LEMD3: variants seen among roughly 807,000 people sequenced by gnomAD.
The protein encoded by LEMD3 is inner nuclear membrane protein Man1.
A neutral mutation model predicts 95.2 loss-of-function variants in LEMD3; 33 were observed. That is an observed-to-expected ratio of 0.35 (90% confidence interval 0.26 to 0.46). The LOEUF is 0.46. Among genes scored for constraint, LEMD3 ranks in the 20% least tolerant of loss-of-function variants. LEMD3 has a pLI of 1.00. For missense variants in LEMD3, 1,210 were observed against 1,192.8 expected (o/e 1.01, Z -0.21); for synonymous variants, 525 against 474.6 (o/e 1.11, Z -1.38).
In LEMD3 at chr12:65,240,028, T is replaced by C. The variant is rs1870885182; in HGVS notation, c.2021T>C (p.Ile674Thr). Residue 674 changes from isoleucine (I) to threonine (T), a missense_variant and splice_region_variant, in exon 7 of 13, where the codon ATA (isoleucine) becomes ACA (threonine). Transcript: ENST00000308330. ...ATGTATGATATGGTGGTAAAGATTA[T>C]AGGTATGATATTTGTAAGAATCTCA... The part of the protein sequence containing the change: ...RQMYDMVVKI[I>T]DVLRSHNEAC... 1.9e-6 allele frequency: 3 copies of C among 1,590,732 alleles called. No individual in the cohort carries two copies.
chr12:65,234,251 A>G (rs922988369), intron 4 of LEMD3, among the ~76,000 whole-genome samples: 3 of 152,206 alleles, frequency 2.0e-5, no homozygotes, highest in Non-Finnish European at 4.4e-5. Context: ...AAAGAAATTT[A>G]TATGGCTGCA....
Position 65,248,067 on chromosome 12 carries a change from A to AGG in LEMD3, c.*1743_*1744dup, listed in dbSNP as rs1871168833. ...TAAAAAATAGTTGTGGCATTTTAAA[A>AGG]GGTCGCCTTTGATGCAGATGCATCT... is the stretch of plus-strand genomic sequence containing the variant. On this transcript the variant is annotated 3_prime_UTR_variant, in exon 13 of 13. Coordinates refer to ENST00000308330, the MANE Select transcript of LEMD3 (RefSeq NM_014319.5). The AGG allele has an allele frequency of 6.6e-6, 1 of 152,570 alleles. No individual in the cohort carries two copies. The highest frequency in any genetic ancestry group is 2.4e-5 in the African/African-American group (1 of 41,450). The allele number at this position is 152,570 out of a possible 1,614,324, so 9.5% of individuals were successfully genotyped here. A position where few individuals can be genotyped will look rare whatever the true frequency, so the allele number is the denominator to read the frequency against.
intron 1 of LEMD3, among the ~76,000 whole-genome samples, chr12:65,173,463 C>T (rs779902596): frequency 5.3e-5 from 8 of 152,134 alleles, no homozygotes; most frequent in Non-Finnish European, 1.0e-4. Context: ...AGAACAATGG[C>T]TAAGAAGTAG....
intron 1 of LEMD3, among the ~76,000 whole-genome samples, chr12:65,193,944 A>G (rs1046574690): frequency 2.8e-4 from 42 of 152,148 alleles, no homozygotes; most frequent in African/African-American, 1.0e-3. Context: ...TTTGACTAGT[A>G]AAAGCAGGTA....
chr12:65,188,755 A>C (rs1394556394), intron 1 of LEMD3, among the ~76,000 whole-genome samples: 1 of 152,178 alleles, frequency 6.6e-6, no homozygotes, highest in Non-Finnish European at 1.5e-5. Context: ...TATGGAATAC[A>C]AAAGTCATGA....
At chr12:65,218,875 G>A (rs58242908) in intron 4 of LEMD3, among the ~76,000 whole-genome samples, 40 of 146,902 alleles carry the variant, frequency 2.7e-4, no homozygotes, top group African/African-American at 9.7e-4. Flanking sequence ...TGCAACGTTC[G>A]CAACCGGGGT....
intron 1 of LEMD3, among the ~76,000 whole-genome samples, chr12:65,204,084 T>C (rs1869688076): frequency 6.6e-6 from 1 of 152,118 alleles, no homozygotes; most frequent in African/African-American, 2.4e-5. Context: ...TTATCCACAC[T>C]GATGTTTTAA....
chr12:65,238,780 T>C lies in LEMD3; in HGVS notation c.1887T>C (p.Val629=). ...GGTGTCGTTTTCGACGTGCTTTTGTTACTGTAACTCACAGATTATTGTTGT... is the reference window on the plus strand; with the variant it reads ...GGTGTCGTTTTCGACGTGCTTTTGTCACTGTAACTCACAGATTATTGTTGT... ...SFWCRFRRAF[V]TVTHRLLLLC... The change falls in exon 6 of 13, where the codon GTT becomes GTC. Residue 629 remains valine (V), a synonymous_variant. Coordinates refer to ENST00000308330, the MANE Select transcript of LEMD3 (RefSeq NM_014319.5). 6.2e-7 allele frequency: 1 copy of C among 1,614,114 alleles called. No homozygotes were observed. Among genetic ancestry groups the C allele is most frequent in the Non-Finnish European group, 8.5e-7 (1 of 1,179,992 alleles).
At chr12:65,240,304 A>G in intron 8 of LEMD3, 66 bp downstream of exon 8, 1 of 1,182,842 alleles carries the variant, frequency 8.5e-7, no homozygotes, top group Non-Finnish European at 1.3e-6. Context: ...AGTATTGAAA[A>G]TTATATTGAG....
chr12:65,207,359 G>T (rs928260360), intron 1 of LEMD3, among the ~76,000 whole-genome samples: 8 of 152,056 alleles, frequency 5.3e-5, no homozygotes, highest in Non-Finnish European at 8.8e-5. Flanking sequence ...CAGTCTTGTT[G>T]GGGGTGGGGG....
At chr12:65,172,757 A>G (rs1159737528) in intron 1 of LEMD3, among the ~76,000 whole-genome samples, 2 of 147,230 alleles carry the variant, frequency 1.4e-5, no homozygotes, top group Non-Finnish European at 3.0e-5. Context: ...GACAGAGTCT[A>G]GCTCTGTCGC....
chr12:65,247,898 C>T lies in LEMD3; in HGVS notation c.*1573C>T, dbSNP rs966438217. On this transcript the variant is annotated 3_prime_UTR_variant, in exon 13 of 13. Coordinates refer to ENST00000308330, the MANE Select transcript of LEMD3 (RefSeq NM_014319.5). Reference sequence around the variant, plus strand: ...CTGAAGAGAATAAATTTTAAATTCTCAGTTTATGTCTCAGATGCTAACGTG... The same window carrying T: ...CTGAAGAGAATAAATTTTAAATTCTTAGTTTATGTCTCAGATGCTAACGTG... The T allele has an allele frequency of 3.9e-5, 6 of 152,398 alleles. No individual in the cohort carries two copies. Among genetic ancestry groups the T allele is most frequent in the Non-Finnish European group, 2.9e-5 (2 of 67,978 alleles). 9.4% of individuals were successfully genotyped at this position (152,398 alleles called of 1,614,324 possible).
chr12:65,244,845 G>A (rs936837418), intron 10 of LEMD3, among the ~76,000 whole-genome samples: 2 of 151,938 alleles, frequency 1.3e-5, no homozygotes, highest in African/African-American at 2.4e-5. Context: ...CAGCTATCTG[G>A]GAGGCTGAGG....
intron 1 of LEMD3, among the ~76,000 whole-genome samples, chr12:65,192,704 A>G (rs1388770309): frequency 6.6e-6 from 1 of 152,192 alleles, no homozygotes; most frequent in Non-Finnish European, 1.5e-5. Flanking sequence ...CATGATTACT[A>G]ACAGACCTGA....
chr12:65,193,732 C>CTCTGTGTG (rs1555193002), intron 1 of LEMD3, among the ~76,000 whole-genome samples: 2 of 129,356 alleles, frequency 1.5e-5, no homozygotes, highest in African/African-American at 3.1e-5. Context: ...ACATAACTGG[C>CTCTGTGTG]TGTGTGTGTG....
Position 65,170,005 on chromosome 12 carries a change from C to A in LEMD3, c.409C>A (p.Leu137Met). The A allele has an allele frequency of 2.0e-6, 3 of 1,498,310 alleles. No homozygotes were observed. The highest frequency in any genetic ancestry group is 1.8e-6 in the Non-Finnish European group (2 of 1,134,248). The allele number at this position is 1,498,310 out of a possible 1,614,324, so 92.8% of individuals were successfully genotyped here. ...CCCCGCGGCTGGCAGCAAAGTGCTGCTGGGCTTCAGCTCGGACGAGTCGGA... is the reference window on the plus strand; with the variant it reads ...CCCCGCGGCTGGCAGCAAAGTGCTGATGGGCTTCAGCTCGGACGAGTCGGA... ...AAPAAGSKVL[L>M]GFSSDESDVE... is the part of the protein sequence containing the mutation. The change falls in exon 1 of 13, where the codon CTG becomes ATG. Residue 137 changes from leucine to methionine, a missense_variant. By Grantham distance (15) the Leu-to-Met change is conservative. Coordinates refer to ENST00000308330, the MANE Select transcript of LEMD3 (RefSeq NM_014319.5).
chr12:65,215,123 T>G (rs963218878), intron 2 of LEMD3, among the ~76,000 whole-genome samples: 4 of 152,206 alleles, frequency 2.6e-5, no homozygotes, highest in Admixed American at 2.6e-4. Flanking sequence ...TAAACAACTT[T>G]TCTAGTAGTT....
chr12:65,217,383 C>G (rs1056562771), intron 3 of LEMD3, among the ~76,000 whole-genome samples: 3 of 152,210 alleles, frequency 2.0e-5, no homozygotes, highest in African/African-American at 7.2e-5. Flanking sequence ...TCTATGGGAT[C>G]TAAATCTCTG....
intron 1 of LEMD3, among the ~76,000 whole-genome samples, chr12:65,206,022 A>G (rs988760651): frequency 2.6e-5 from 4 of 152,146 alleles, no homozygotes; most frequent in Non-Finnish European, 5.9e-5. Flanking sequence ...TTGCAAAAAC[A>G]TGTCCTGCCT....
Sources: allele counts gnomAD v4.1 joint callset (sites outside exome capture counted in the v4.1 genomes callset), GRCh38; gene constraint gnomAD v4.1.1; transcripts MANE v1.5; gene names NCBI Gene and HGNC (gene_info 2026-07-23, HGNC 2026-07-21).